Variants in EVC2 observed in about 807,000 individuals in gnomAD.
The protein encoded by EVC2 is EvC ciliary complex subunit 2.
Under a neutral mutation model 149.3 loss-of-function variants are expected in EVC2, and 148 were observed. The observed-to-expected ratio is 0.99, with a 90% CI of 0.87 to 1.14. The LOEUF (loss-of-function observed/expected upper bound fraction) is 1.14. Among genes scored for constraint, EVC2 ranks in the 50% most tolerant of loss-of-function variants. EVC2 has a pLI of 0.00. For synonymous variants in EVC2, 776 were observed against 649.9 expected (o/e 1.19, Z -2.95); for missense variants, 1,854 against 1,627.3 (o/e 1.14, Z -2.40).
chr4:5,619,821 C>T (rs1311765514), intron 14 of EVC2, among the ~76,000 whole-genome samples: 1 of 152,218 alleles, frequency 6.6e-6, no homozygotes, highest in Non-Finnish European at 1.5e-5. Context: ...AAGAGGAAAT[C>T]TGCTCAGAAA....
chr4:5,682,230 C>G (rs1720396332), intron 6 of EVC2, among the ~76,000 whole-genome samples: 1 of 152,122 alleles, frequency 6.6e-6, no homozygotes, highest in Non-Finnish European at 1.5e-5. Context: ...GTGGCTCACA[C>G]CTGTAATCCC....
intron 19 of EVC2, among the ~76,000 whole-genome samples, chr4:5,571,103 G>A (rs1722617370): frequency 6.6e-6 from 1 of 151,968 alleles, no homozygotes. Flanking sequence ...ACTGCCTGAG[G>A]TCAGGAGTTT....
chr4:5,669,426 C>T (rs1183041944), intron 7 of EVC2, among the ~76,000 whole-genome samples: 4 of 152,206 alleles, frequency 2.6e-5, no homozygotes, highest in Non-Finnish European at 5.9e-5. Context: ...CTGCTGGACT[C>T]CAATGTCTAC....
chr4:5,631,833 T>C lies in EVC2; in HGVS notation c.1670A>G (p.Glu557Gly), dbSNP rs1011896386. 3.1e-6 allele frequency: 5 copies of C among 1,614,190 alleles called. No individual in the cohort carries two copies. Among genetic ancestry groups the C allele is most frequent in the Admixed American group, 1.7e-5 (1 of 60,030 alleles). The change falls in exon 11 of 22, where the codon GAG becomes GGG. Residue 557 changes from glutamate to glycine, a missense_variant. By Grantham distance (98) the Glu-to-Gly change is moderately conservative. Coordinates refer to ENST00000344408, the MANE Select transcript of EVC2 (RefSeq NM_147127.5). Reference protein sequence around the residue: ...SAIFKGELKPEAAKMLLQNYS... With the variant: ...SAIFKGELKPGAAKMLLQNYS... ...ATTTTGCAGCAGCATTTTAGCTGCCTCTGGTTTCAATTCCCCTTTGAAAAT... is the reference window on the plus strand; with the variant it reads ...ATTTTGCAGCAGCATTTTAGCTGCCCCTGGTTTCAATTCCCCTTTGAAAAT...
chr4:5,655,307 G>C (rs566941717), intron 9 of EVC2, among the ~76,000 whole-genome samples: 1 of 152,308 alleles, frequency 6.6e-6, no homozygotes, highest in South Asian at 2.1e-4. Context: ...CAGCCATCTG[G>C]TGCTCCAGGT....
chr4:5,658,465 A>T (rs1055811140), intron 9 of EVC2, among the ~76,000 whole-genome samples: 1 of 152,232 alleles, frequency 6.6e-6, no homozygotes, highest in Non-Finnish European at 1.5e-5. Flanking sequence ...ACACATATTT[A>T]AAAACCTCAA....
At chr4:5,589,556 T>C (rs1285495521) in intron 16 of EVC2, among the ~76,000 whole-genome samples, 2 of 152,340 alleles carry the variant, frequency 1.3e-5, no homozygotes, top group African/African-American at 2.4e-5. Flanking sequence ...TTGTCTCTTT[T>C]ACTCAAAGGG....
At chr4:5,592,174 G>A (rs1422743716) in intron 16 of EVC2, among the ~76,000 whole-genome samples, 1 of 152,162 alleles carries the variant, frequency 6.6e-6, no homozygotes, top group Non-Finnish European at 1.5e-5. Flanking sequence ...GCTCACATCT[G>A]TATCCAAACA....
intron 9 of EVC2, among the ~76,000 whole-genome samples, chr4:5,652,603 C>T (rs1307309021): frequency 5.3e-5 from 8 of 152,254 alleles, no homozygotes; most frequent in South Asian, 4.1e-4. Context: ...ATCCTCCAGC[C>T]GGCAAGGGCT....
intron 1 of EVC2, among the ~76,000 whole-genome samples, chr4:5,700,238 G>T (rs780216731): frequency 6.6e-6 from 1 of 152,198 alleles, no homozygotes; most frequent in Non-Finnish European, 1.5e-5. Context: ...CTATGTGCTC[G>T]ATTTTTCTGT....
At chr4:5,626,835 T>G (rs1422420607) in intron 12 of EVC2, among the ~76,000 whole-genome samples, 1 of 152,136 alleles carries the variant, frequency 6.6e-6, no homozygotes, top group Admixed American at 6.5e-5. Flanking sequence ...GTGGGACCTC[T>G]CATCTCATCT....
rs73067737 is a variant in EVC2 at position 5,682,977 on chromosome 4, A to G, written c.817-1664T>C. Among the ~76,000 whole-genome samples the G allele has an allele frequency of 1.4e-3, 212 of 152,202 alleles. 2 individuals are homozygous for G. Among genetic ancestry groups the G allele is most frequent in the African/African-American group, 4.6e-3 (193 of 41,514 alleles). ...AAGGCATTTTTCTGTAACCTGAGCT[A>G]TGCTCCTCCCAAGGTAGCAAATCCC... On this transcript the variant is annotated intron_variant, in intron 6 of 21. Coordinates refer to ENST00000344408, the MANE Select transcript of EVC2 (RefSeq NM_147127.5).
At chr4:5,549,291 T>G (rs1164449434) in intron 21 of EVC2, among the ~76,000 whole-genome samples, 2 of 152,192 alleles carry the variant, frequency 1.3e-5, no homozygotes, top group African/African-American at 4.8e-5. Flanking sequence ...TTTTACTCCC[T>G]GCAATAATTG....
intron 16 of EVC2, among the ~76,000 whole-genome samples, chr4:5,593,147 A>G (rs1428976400): frequency 6.6e-6 from 1 of 152,190 alleles, no homozygotes; most frequent in Non-Finnish European, 1.5e-5. Flanking sequence ...CCGTGAATCA[A>G]TTAAACCTCT....
rs756271071 is a variant in EVC2, at chr4:5,628,732, C to T, written c.1713G>A (p.Glu571=). The T allele has an allele frequency of 3.8e-6, 6 of 1,592,494 alleles. No individual in the cohort carries two copies. The highest frequency in any genetic ancestry group is 5.1e-6 in the Non-Finnish European group (6 of 1,177,140). ...AAAAGTCCATTAACTCTTCTACATTCTCCTGTCAATTAAAAAAAAAAACAA... is the reference window on the plus strand; with the variant it reads ...AAAAGTCCATTAACTCTTCTACATTTTCCTGTCAATTAAAAAAAAAAACAA... ...MLLQNYSKIQ[E]NVEELMDFFQ... is the part of the protein sequence containing the mutation. The change falls in exon 12 of 22, where the codon GAG becomes GAA. Residue 571 remains glutamate, a splice_region_variant and synonymous_variant. Coordinates refer to ENST00000344408, the MANE Select transcript of EVC2 (RefSeq NM_147127.5).
chr4:5,541,355 G>C (rs915558236), downstream of EVC2, among the ~76,000 whole-genome samples: 1 of 152,204 alleles, frequency 6.6e-6, no homozygotes, highest in African/African-American at 2.4e-5. Context: ...GATCAATAGG[G>C]AGTGCGTCCA....
chr4:5,647,103 C>T (rs1436935262), intron 9 of EVC2, among the ~76,000 whole-genome samples: 1 of 152,206 alleles, frequency 6.6e-6, no homozygotes, highest in Non-Finnish European at 1.5e-5. Context: ...TGACCTGTGT[C>T]ACCTGGGAGG....
At chr4:5,628,524 A>G (rs1716289420) in intron 12 of EVC2, 35 bp downstream of exon 12, 1 of 1,613,402 alleles carries the variant, frequency 6.2e-7, no homozygotes, top group African/African-American at 1.3e-5. Flanking sequence ...ACAGACTAAG[A>G]CAGTTCGCAC....
At chr4:5,570,638 C>A (rs1356822729) in intron 19 of EVC2, among the ~76,000 whole-genome samples, 1 of 152,234 alleles carries the variant, frequency 6.6e-6, no homozygotes, top group African/African-American at 2.4e-5. Context: ...AGCAGTCCCA[C>A]TGCTGGGTAT....
Sources: gnomAD v4.1 joint callset for allele counts (sites outside exome capture counted in the v4.1 genomes callset) on GRCh38, gnomAD v4.1.1 for gene constraint, MANE v1.5 for transcripts, NCBI Gene and HGNC (gene_info 2026-07-23, HGNC 2026-07-21) for gene names.